NPC1: variants seen among roughly 807,000 people sequenced by gnomAD.
The protein encoded by NPC1 is NPC intracellular cholesterol transporter 1.
A neutral mutation model predicts 140.4 loss-of-function variants in NPC1; 85 were observed. The observed-to-expected ratio is 0.61, with a 90% CI of 0.51 to 0.72. NPC1 has a LOEUF of 0.72. Among genes scored for constraint, NPC1 ranks in the 30% least tolerant of loss-of-function variants. The probability of loss-of-function intolerance (pLI) is 0.00; values close to 1 mark genes in which losing one functional copy is unlikely to be tolerated. For synonymous variants in NPC1, 656 were observed against 624.8 expected (o/e 1.05, Z -0.74); for missense variants, 1,504 against 1,623.8 (o/e 0.93, Z 1.27).
chr18:23,576,471 A>G (rs990614200), intron 1 of NPC1: 50 of 986,116 alleles, frequency 5.1e-5, no homozygotes, highest in Non-Finnish European at 5.8e-5. Context: ...AGCAGGACCC[A>G]AAGACTTACA....
chr18:23,516,541 TCC>T, intron 3 of NPC1: 1 of 993,158 alleles, frequency 1.0e-6, no homozygotes, highest in Non-Finnish European at 1.5e-6. Flanking sequence ...TAAGGAGGAC[TCC>T]CCTTGTTCTG....
Position 23,531,550 on chromosome 18 carries a change from C to G in NPC1, c.*652G>C. On this transcript the variant is annotated 3_prime_UTR_variant, in exon 25 of 25. Coordinates refer to ENST00000269228, the MANE Select transcript of NPC1 (RefSeq NM_000271.5). ...GAAAAATAAGTTAAAACCCAGTAGA[C>G]ACACCTACGAGATGCTTTCTTTGTC... 1 of 1,571,430 alleles carries G rather than the reference C, an allele frequency of 6.4e-7. No homozygotes were observed. Among genetic ancestry groups the G allele is most frequent in the South Asian group, 1.2e-5 (1 of 84,266 alleles).
downstream of NPC1, chr18:23,528,188 G>A (rs929755389): frequency 5.8e-5 from 15 of 258,426 alleles, no homozygotes; most frequent in Non-Finnish European, 8.1e-5. Context: ...TACTGTTATA[G>A]ATGAGAAAAA....
At chr18:23,559,402 T>G (rs978295367) in intron 6 of NPC1, among the ~76,000 whole-genome samples, 1 of 151,984 alleles carries the variant, frequency 6.6e-6, no homozygotes, top group Non-Finnish European at 1.5e-5. Flanking sequence ...GTAAAAAAAG[T>G]ACTGTCCTAA....
intron 9 of NPC1, among the ~76,000 whole-genome samples, chr18:23,552,742 A>G (rs2058891852): frequency 6.6e-6 from 1 of 152,204 alleles, no homozygotes; most frequent in South Asian, 2.1e-4. Flanking sequence ...CACCCGTCAG[A>G]GTGGATGGGT....
At chr18:23,524,941 C>CTTTTTTTTTTTTTT (rs5823396), downstream of NPC1, among the ~76,000 whole-genome samples, 1 of 69,216 alleles carries the variant, frequency 1.4e-5, no homozygotes, top group Non-Finnish European at 2.5e-5. Context: ...TTAGAGAAAT[C>CTTTTTTTTTTTTTT]TTTTTTTTTT....
intron 5 of NPC1, 69 bp from the exon 6 acceptor site, chr18:23,560,549 A>C: frequency 6.6e-7 from 1 of 1,526,082 alleles, no homozygotes; most frequent in Non-Finnish European, 9.0e-7. Context: ...TTATACTTAA[A>C]CTCAAAGAAA....
At position 23,545,168 on chromosome 18, in the gene NPC1, G is replaced by A; in HGVS notation, c.1758-19C>T. 1 of 1,563,720 alleles carries A rather than the reference G, an allele frequency of 6.4e-7. No homozygotes were observed. Reference sequence around the variant, plus strand: ...AATAAACCTAAAAGGTAAGCAAAATGTTATATTTTTAGTTAAACTAACTGA... The same window carrying A: ...AATAAACCTAAAAGGTAAGCAAAATATTATATTTTTAGTTAAACTAACTGA... On this transcript the variant is annotated intron_variant, in intron 11 of 24. Coordinates refer to ENST00000269228, the MANE Select transcript of NPC1 (RefSeq NM_000271.5).
At chr18:23,582,596 A>G (rs2059368897) in intron 1 of NPC1, among the ~76,000 whole-genome samples, 1 of 150,732 alleles carries the variant, frequency 6.6e-6, no homozygotes, top group Non-Finnish European at 1.5e-5. Flanking sequence ...TGAGCTCAGG[A>G]GTTCGAGACC....
intron 24 of NPC1, among the ~76,000 whole-genome samples, chr18:23,532,578 G>A (rs2058547629): frequency 6.6e-6 from 1 of 152,118 alleles, no homozygotes; most frequent in African/African-American, 2.4e-5. Flanking sequence ...AGGTGGGACT[G>A]CAGACGCACA....
intron 3 of NPC1, among the ~76,000 whole-genome samples, chr18:23,515,287 G>A (rs1383975123): frequency 1.3e-5 from 2 of 152,198 alleles, no homozygotes; most frequent in Admixed American, 6.5e-5. Context: ...TTGTTAAGGG[G>A]CAGGTTCCCT....
chr18:23,519,677 C>T (rs1045456259), downstream of NPC1, among the ~76,000 whole-genome samples: 1 of 152,176 alleles, frequency 6.6e-6, no homozygotes, highest in Non-Finnish European at 1.5e-5. Context: ...AAAACTATTT[C>T]AGAAACTAAC....
At position 23,534,443 on chromosome 18, in the gene NPC1, C is replaced by G. The variant is rs1249178029; in HGVS notation, c.3591+3G>C. 1 of 1,608,256 alleles carries G rather than the reference C, an allele frequency of 6.2e-7. No individual in the cohort carries two copies. The highest frequency in any genetic ancestry group is 1.7e-5 in the Admixed American group (1 of 60,012). ...CCGGCGTGGCCCTGCTCAGGGTACT[C>G]ACGGAGCTGCCCATGTGGGCAAGTG... On this transcript the variant is annotated splice_donor_region_variant and intron_variant, in intron 23 of 24. Coordinates refer to ENST00000269228, the MANE Select transcript of NPC1 (RefSeq NM_000271.5).
intron 3 of NPC1, among the ~76,000 whole-genome samples, chr18:23,508,283 G>A (rs1213417749): frequency 6.6e-6 from 1 of 152,198 alleles, no homozygotes; most frequent in Non-Finnish European, 1.5e-5. Context: ...TGAACACCCA[G>A]TAGTGCTAGC....
In NPC1 at chr18:23,554,126, G is replaced by A. The variant is rs116121139; in HGVS notation, c.1553+632C>T. On this transcript the variant is annotated intron_variant, in intron 9 of 24. Transcript: ENST00000269228. The stretch of plus-strand genomic sequence containing the variant: ...TGCCAGGGCTCTGCACTTGCTGCTG[G>A]TTCTGCCGGGAACTCTCATCCCTGT... 8.4e-3 allele frequency among the ~76,000 whole-genome samples: 1,281 copies of A among 152,234 alleles called. 13 individuals carry two copies. The highest frequency in any genetic ancestry group is 0.03 in the African/African-American group (1,227 of 41,532).
intron 21 of NPC1, among the ~76,000 whole-genome samples, chr18:23,536,259 A>G (rs555243149): frequency 3.9e-3 from 595 of 152,022 alleles, no homozygotes; most frequent in Non-Finnish European, 6.3e-3. Context: ...TCTTCCTGGG[A>G]AAAAAAACCC....
chr18:23,586,417 C>T lies in NPC1; in HGVS notation c.-74G>A. The T allele has an allele frequency of 2.0e-6, 3 of 1,526,274 alleles. No individual in the cohort carries two copies. Among genetic ancestry groups the T allele is most frequent in the South Asian group, 1.2e-5 (1 of 83,088 alleles). 94.5% of individuals were successfully genotyped at this position (1,526,274 alleles called of 1,614,324 possible). ...GCTCCCCGGAGGCGGCTCTACTTCC[C>T]CGGGCTGTTTCAGCACCCCGCGCAG... is the stretch of plus-strand genomic sequence containing the variant. On this transcript the variant is annotated 5_prime_UTR_variant, in exon 1 of 25. Transcript: ENST00000269228.
At chr18:23,565,827 C>G (rs1331669521) in intron 4 of NPC1, among the ~76,000 whole-genome samples, 8 of 152,152 alleles carry the variant, frequency 5.3e-5, no homozygotes. Context: ...CCCTTATCCA[C>G]TCTGGAAAAT....
In NPC1 at chr18:23,586,449, C is replaced by A; in HGVS notation, c.-106G>T. ...GTTTCAGCACCCCGCGCAGGAGGAG[C>A]GGAGGAGCAGGAGCAGGCGCTGACC... On this transcript the variant is annotated 5_prime_UTR_variant, in exon 1 of 25. Coordinates refer to ENST00000269228, the MANE Select transcript of NPC1 (RefSeq NM_000271.5). 2.0e-6 allele frequency: 3 copies of A among 1,500,944 alleles called. No homozygotes were observed. Among genetic ancestry groups the A allele is most frequent in the South Asian group, 2.5e-5 (2 of 79,254 alleles). 93.0% of individuals were successfully genotyped at this position (1,500,944 alleles called of 1,614,324 possible).
Sources: allele counts gnomAD v4.1 joint callset (sites outside exome capture counted in the v4.1 genomes callset), GRCh38; gene constraint gnomAD v4.1.1; transcripts MANE v1.5; gene names NCBI Gene and HGNC (gene_info 2026-07-23, HGNC 2026-07-21).